Variants in EEIG1 observed in about 807,000 individuals in gnomAD.
EEIG1 encodes the protein early estrogen-induced gene 1 protein.
the EEIG1 span, chr9:127,972,470 G>A: frequency 5.3e-5 from 8 of 152,276 alleles, no homozygotes; most frequent in Non-Finnish European, 1.2e-4. The surrounding 1 kb of genome is among the most constrained non-coding windows in gnomAD (Gnocchi z 4.3). Context: ...TGTATGCCAG[G>A]AGCCGCGCTG....
the EEIG1 span, among the ~76,000 whole-genome samples, chr9:127,972,093 C>G: frequency 6.6e-6 from 1 of 152,058 alleles, no homozygotes; most frequent in Non-Finnish European, 1.5e-5. The surrounding 1 kb of genome is among the most constrained non-coding windows in gnomAD (Gnocchi z 4.3). Flanking sequence ...CCTGCCAGAG[C>G]AGGTCCCAGA....
chr9:127,945,837 A>G, the EEIG1 span: 3 of 911,672 alleles, frequency 3.3e-6, no homozygotes, highest in Non-Finnish European at 5.2e-6. The surrounding 1 kb of genome is among the most constrained non-coding windows in gnomAD (Gnocchi z 6.5). Context: ...GTGCCCTCAC[A>G]GAGCCTCCCA....
chr9:127,969,663 T>C, the EEIG1 span, among the ~76,000 whole-genome samples: 1 of 152,078 alleles, frequency 6.6e-6, no homozygotes, highest in Non-Finnish European at 1.5e-5. Flanking sequence ...CAGGCCCTGC[T>C]GGAGTTTGCA....
chr9:127,959,323 G>T, the EEIG1 span, among the ~76,000 whole-genome samples: 28 of 152,224 alleles, frequency 1.8e-4, no homozygotes, highest in African/African-American at 6.8e-4. Flanking sequence ...GCAATAAAGA[G>T]AAATGATACA....
chr9:127,953,478 C>A, the EEIG1 span: 1 of 1,120,004 alleles, frequency 8.9e-7, no homozygotes, highest in East Asian at 2.4e-5. Flanking sequence ...CTGAGTGCCT[C>A]TTGCTTGTGG....
At chr9:127,977,595 C>T in the EEIG1 span, among the ~76,000 whole-genome samples, 5 of 152,238 alleles carry the variant, frequency 3.3e-5, no homozygotes, top group Non-Finnish European at 7.3e-5. Context: ...GGGCCCCAGC[C>T]TGGGCCCCTC....
At chr9:127,948,443 C>G in the EEIG1 span, 1 of 1,612,804 alleles carries the variant, frequency 6.2e-7, no homozygotes, top group Non-Finnish European at 8.5e-7. Flanking sequence ...TCAGCTATGC[C>G]CTGACCACCC....
chr9:127,980,397 CAGCAG>C, the EEIG1 span: 1 of 382,776 alleles, frequency 2.6e-6, no homozygotes. Flanking sequence ...GGCATGTAAA[CAGCAG>C]GGCATGGCCC....
At chr9:127,945,538 G>A in the EEIG1 span, 11 of 1,564,666 alleles carry the variant, frequency 7.0e-6, no homozygotes, top group South Asian at 1.3e-4. The surrounding 1 kb of genome is among the most constrained non-coding windows in gnomAD (Gnocchi z 6.5). Flanking sequence ...GAGGCTGGAG[G>A]AGCGCGAGTG....
At chr9:127,967,974 G>C in the EEIG1 span, among the ~76,000 whole-genome samples, 2 of 122,672 alleles carry the variant, frequency 1.6e-5, no homozygotes, top group African/African-American at 5.8e-5. Context: ...TATTTCCCCA[G>C]GTCTTTTTTT....
chr9:127,971,928 A>G, the EEIG1 span, among the ~76,000 whole-genome samples: 5 of 152,306 alleles, frequency 3.3e-5, no homozygotes, highest in East Asian at 9.7e-4. Context: ...AGAAACCAGA[A>G]GGGCGAGGAG....
chr9:127,949,402 C>T, the EEIG1 span, among the ~76,000 whole-genome samples: 1 of 152,048 alleles, frequency 6.6e-6, no homozygotes, highest in African/African-American at 2.4e-5. Context: ...CCTAGCTAGC[C>T]CAAGGCTGTT....
chr9:127,946,506 C>T, the EEIG1 span, among the ~76,000 whole-genome samples: 1 of 152,232 alleles, frequency 6.6e-6, no homozygotes, highest in Non-Finnish European at 1.5e-5. Flanking sequence ...CTTTTCAAGT[C>T]CCCAACAGGT....
the EEIG1 span, among the ~76,000 whole-genome samples, chr9:127,974,444 T>G: frequency 6.6e-6 from 1 of 152,170 alleles, no homozygotes; most frequent in Non-Finnish European, 1.5e-5. Context: ...GGCCAGGGGC[T>G]TCTATGCCAA....
At chr9:127,940,905 TA>T in the EEIG1 span, 1 of 152,272 alleles carries the variant, frequency 6.6e-6, no homozygotes, top group African/African-American at 2.4e-5. Flanking sequence ...TTATTTTCTT[TA>T]AATCTCCTAA....
the EEIG1 span, among the ~76,000 whole-genome samples, chr9:127,961,253 G>A: frequency 1.3e-5 from 2 of 150,342 alleles, no homozygotes; most frequent in South Asian, 4.2e-4. Flanking sequence ...GGCCCCTCTG[G>A]TGGGAAGCAG....
At chr9:127,953,862 A>G in the EEIG1 span, 1 of 1,613,864 alleles carries the variant, frequency 6.2e-7, no homozygotes, top group Non-Finnish European at 8.5e-7. Context: ...CCGGGTTAGC[A>G]CTCATCTTAC....
At chr9:127,969,263 G>A in the EEIG1 span, among the ~76,000 whole-genome samples, 4 of 152,178 alleles carry the variant, frequency 2.6e-5, no homozygotes, top group African/African-American at 4.8e-5. Flanking sequence ...CCTGGCTCTG[G>A]GCCCAGGCAG....
the EEIG1 span, among the ~76,000 whole-genome samples, chr9:127,954,745 G>A: frequency 6.6e-6 from 1 of 152,184 alleles, no homozygotes; most frequent in Non-Finnish European, 1.5e-5. Flanking sequence ...CAAGCAGTTG[G>A]ACTCTGGGTG....
Sources: allele counts gnomAD v4.1 joint callset (sites outside exome capture counted in the v4.1 genomes callset), GRCh38; gene constraint gnomAD v4.1.1; non-coding constraint Gnocchi (gnomAD v3.1); transcripts MANE v1.5; gene names NCBI Gene and HGNC (gene_info 2026-07-23, HGNC 2026-07-21).